The following GALNT17 variants were observed in gnomAD, a reference collection of about 807,000 sequenced individuals.
GALNT17 encodes UDP-GalNAc:polypeptide N-acetylgalactosaminyltransferase-like 3.
A neutral mutation model predicts 63.7 loss-of-function variants in GALNT17; 29 were observed. The observed-to-expected ratio is 0.46, with a 90% CI of 0.34 to 0.62. The LOEUF is 0.62. Among genes scored for constraint, GALNT17 ranks in the 20% least tolerant of loss-of-function variants. The pLI is 0.01. For synonymous variants in GALNT17, 305 were observed against 318.3 expected (o/e 0.96, Z 0.45); for missense variants, 603 against 799.6 (o/e 0.75, Z 2.97).
chr7:71,546,104 A>ACAG (rs1402783276), intron 5 of GALNT17, among the ~76,000 whole-genome samples: 1 of 152,068 alleles, frequency 6.6e-6, no homozygotes, highest in East Asian at 1.9e-4. Context: ...AACAACAACA[A>ACAG]CAACAACAGA....
chr7:71,662,701 A>G (rs1232361906), intron 6 of GALNT17, among the ~76,000 whole-genome samples: 1 of 152,180 alleles, frequency 6.6e-6, no homozygotes, highest in Non-Finnish European at 1.5e-5. Context: ...GCATGTATCA[A>G]CATTTCATTT....
chr7:71,593,793 T>C (rs963378988), intron 6 of GALNT17, among the ~76,000 whole-genome samples: 1 of 152,210 alleles, frequency 6.6e-6, no homozygotes, highest in African/African-American at 2.4e-5. Context: ...TTTTAAAGCA[T>C]TCAAGTTTAG....
chr7:71,347,103 CCTTTA>C (rs1792110106), intron 2 of GALNT17, among the ~76,000 whole-genome samples: 1 of 152,198 alleles, frequency 6.6e-6, no homozygotes, highest in South Asian at 2.1e-4. Flanking sequence ...GGTGCCCTTT[CCTTTA>C]GTGTGTGAGG....
At chr7:71,400,320 A>T (rs1793217632) in intron 3 of GALNT17, among the ~76,000 whole-genome samples, 1 of 152,172 alleles carries the variant, frequency 6.6e-6, no homozygotes, top group African/African-American at 2.4e-5. Context: ...TCCTTGCAAG[A>T]CATGAGCTCA....
intron 2 of GALNT17, among the ~76,000 whole-genome samples, chr7:71,354,521 G>C (rs1792247440): frequency 6.6e-6 from 1 of 151,936 alleles, no homozygotes; most frequent in Admixed American, 6.6e-5. Context: ...TAAATATTTT[G>C]CATTATAATA....
intron 6 of GALNT17, among the ~76,000 whole-genome samples, chr7:71,586,397 C>T (rs748689087): frequency 1.3e-5 from 2 of 152,166 alleles, no homozygotes; most frequent in Non-Finnish European, 2.9e-5. Flanking sequence ...TCCTCTGTGT[C>T]AATATATGAC....
chr7:71,356,713 A>G (rs998369508), intron 2 of GALNT17, among the ~76,000 whole-genome samples: 2 of 152,190 alleles, frequency 1.3e-5, no homozygotes, highest in African/African-American at 4.8e-5. Context: ...CCCCGCCTCC[A>G]ACTTTGGGAA....
intron 2 of GALNT17, among the ~76,000 whole-genome samples, chr7:71,358,647 T>C (rs1036403791): frequency 7.9e-5 from 12 of 152,236 alleles, no homozygotes; most frequent in African/African-American, 2.9e-4. Flanking sequence ...TTCTACTTTG[T>C]TGTAATTTGT....
intron 5 of GALNT17, among the ~76,000 whole-genome samples, chr7:71,442,527 A>G (rs1787086861): frequency 6.6e-6 from 1 of 152,176 alleles, no homozygotes; most frequent in African/African-American, 2.4e-5. Context: ...CCAAAGTCTG[A>G]AAATTGGGTT....
At chr7:71,305,957 G>A (rs1176373307) in intron 1 of GALNT17, among the ~76,000 whole-genome samples, 8 of 152,318 alleles carry the variant, frequency 5.3e-5, no homozygotes, top group Non-Finnish European at 8.8e-5. Flanking sequence ...GGTGGCCCAC[G>A]CCTGTAATCC....
At chr7:71,197,451 G>A (rs779019288) in intron 1 of GALNT17, among the ~76,000 whole-genome samples, 1 of 151,038 alleles carries the variant, frequency 6.6e-6, no homozygotes, top group African/African-American at 2.4e-5. Context: ...CTTGTGATCC[G>A]CCCATCTCGG....
At position 71,456,167 on chromosome 7, in the gene GALNT17, A is replaced by T. The variant is rs6943300; in HGVS notation, c.962+35062A>T. Among the ~76,000 whole-genome samples the T allele has an allele frequency of 4.9e-3, 744 of 151,872 alleles. 6 individuals carry two copies. Among genetic ancestry groups the T allele is most frequent in the African/African-American group, 0.017 (708 of 41,422 alleles). On this transcript the variant is annotated intron_variant, in intron 5 of 10. Coordinates refer to ENST00000333538, the MANE Select transcript of GALNT17 (RefSeq NM_022479.3). ...AGGCTGAGGCAGGAGAATTGCTTGA[A>T]CCTGGGGGGCAGAGGTTGCAGTGAG...
chr7:71,327,446 C>T (rs1235468263), intron 1 of GALNT17, among the ~76,000 whole-genome samples: 2 of 152,124 alleles, frequency 1.3e-5, no homozygotes, highest in Admixed American at 6.5e-5. Context: ...ATGGGGAAAA[C>T]TGCCCCCGTG....
At chr7:71,401,180 C>T (rs1340022737) in intron 3 of GALNT17, among the ~76,000 whole-genome samples, 1 of 150,922 alleles carries the variant, frequency 6.6e-6, no homozygotes, top group African/African-American at 2.4e-5. Flanking sequence ...ACTGCAACCT[C>T]CCACCTCCCA....
chr7:71,349,475 C>T (rs1792153862), intron 2 of GALNT17, among the ~76,000 whole-genome samples: 1 of 152,152 alleles, frequency 6.6e-6, no homozygotes, highest in Non-Finnish European at 1.5e-5. Flanking sequence ...ATGGAGGGAA[C>T]ATATTTGTTC....
intron 1 of GALNT17, among the ~76,000 whole-genome samples, chr7:71,315,265 A>C (rs1057077853): frequency 1.3e-5 from 2 of 152,172 alleles, no homozygotes; most frequent in Non-Finnish European, 2.9e-5. Context: ...TTGTTTATCT[A>C]TCCAACAGCT....
chr7:71,282,392 G>A (rs59646677), intron 1 of GALNT17, among the ~76,000 whole-genome samples: 5,418 of 152,314 alleles, frequency 0.036, 340 homozygotes, highest in African/African-American at 0.12. Flanking sequence ...AGCAGTGAAG[G>A]AAGAGTAGCA....
chr7:71,211,979 G>T (rs1045641481), intron 1 of GALNT17, among the ~76,000 whole-genome samples: 1 of 152,200 alleles, frequency 6.6e-6, no homozygotes, highest in Non-Finnish European at 1.5e-5. Flanking sequence ...CCATTTTCTG[G>T]GGAGAAATTC....
intron 5 of GALNT17, among the ~76,000 whole-genome samples, chr7:71,495,286 G>C (rs922189903): frequency 6.6e-6 from 1 of 151,244 alleles, no homozygotes; most frequent in Non-Finnish European, 1.5e-5. Context: ...AAAAAAAAAA[G>C]AAAAGAAAAG....
Sources: allele counts gnomAD v4.1 joint callset (sites outside exome capture counted in the v4.1 genomes callset), GRCh38; gene constraint gnomAD v4.1.1; transcripts MANE v1.5; gene names NCBI Gene and HGNC (gene_info 2026-07-23, HGNC 2026-07-21).